Variants in ANKEF1 observed in about 807,000 individuals in gnomAD.
ANKEF1 encodes ankyrin repeat and EF-hand domain containing 1.
In ANKEF1, 43 loss-of-function variants were observed where a neutral mutation model predicts 65.1. The ratio of observed to expected loss-of-function variants is 0.66; its 90% CI spans 0.52 to 0.85. ANKEF1 has a LOEUF of 0.85. Among genes scored for constraint, ANKEF1 ranks in the 40% least tolerant of loss-of-function variants. The pLI is 0.00. For synonymous variants in ANKEF1, 316 were observed against 341.5 expected (o/e 0.93, Z 0.82); for missense variants, 934 against 952.9 (o/e 0.98, Z 0.26).
chr20:10,051,641 G>C (rs141444129), intron 7 of ANKEF1, 22 bp from the exon 8 acceptor site: 14 of 1,570,998 alleles, frequency 8.9e-6, no homozygotes, highest in African/African-American at 1.4e-5. Flanking sequence ...TTTTTAGTTT[G>C]TTCATCTATC....
chr20:10,055,783 T>C lies in ANKEF1; in HGVS notation c.*123T>C. ...CCAAGAACTTGTTACCAAGAATTTC[T>C]TTTTGCTTTAACAACTATAAATATT... On this transcript the variant is annotated 3_prime_UTR_variant, in exon 11 of 11. Coordinates refer to ENST00000378392, the MANE Select transcript of ANKEF1 (RefSeq NM_022096.6). 1.0e-6 allele frequency: 1 copy of C among 978,670 alleles called. No individual in the cohort carries two copies. Among genetic ancestry groups the C allele is most frequent in the Non-Finnish European group, 1.5e-6 (1 of 659,196 alleles). 60.6% of individuals were successfully genotyped at this position (978,670 alleles called of 1,614,324 possible). A position where few individuals can be genotyped will look rare whatever the true frequency, so the allele number is the denominator to read the frequency against.
At chr20:10,043,612 G>A (rs925173645) in intron 4 of ANKEF1, among the ~76,000 whole-genome samples, 1 of 145,212 alleles carries the variant, frequency 6.9e-6, no homozygotes, top group Non-Finnish European at 1.5e-5. Flanking sequence ...TTCTTAGAAA[G>A]AAAATATATA....
At chr20:10,039,732 T>C (rs763458979) in intron 3 of ANKEF1, among the ~76,000 whole-genome samples, 9 of 152,188 alleles carry the variant, frequency 5.9e-5, no homozygotes, top group Non-Finnish European at 1.0e-4. Flanking sequence ...TGAGAAGTAC[T>C]ACAGGCAAAA....
rs747097642 is a variant in ANKEF1, at chr20:10,053,232, C to T, written c.1991C>T (p.Pro664Leu). 3.7e-5 allele frequency: 60 copies of T among 1,611,576 alleles called. No homozygotes were observed. Among genetic ancestry groups the T allele is most frequent in the Non-Finnish European group, 4.4e-5 (52 of 1,179,302 alleles). ...AENQKLKGKT[P>L]PILKTEGPEI... ...AATCAAAAACTAAAAGGCAAGACAC[C>T]TCCTATACTGAAGACTGAAGGCCCT... The change falls in exon 9 of 11, where the codon CCT becomes CTT. Residue 664 changes from proline to leucine, a missense_variant. Pro to Leu is a moderately conservative substitution (Grantham distance 98). Coordinates refer to ENST00000378392, the MANE Select transcript of ANKEF1 (RefSeq NM_022096.6).
In ANKEF1 at chr20:10,055,704, G is replaced by T; in HGVS notation, c.*44G>T. ...TGGGGTAAATGCTTTGAGGCCCAGGGACCAATCTTTGGAGAAAGTAGATAT... is the reference window on the plus strand; with the variant it reads ...TGGGGTAAATGCTTTGAGGCCCAGGTACCAATCTTTGGAGAAAGTAGATAT... On this transcript the variant is annotated 3_prime_UTR_variant, in exon 11 of 11. Coordinates refer to ENST00000378392, the MANE Select transcript of ANKEF1 (RefSeq NM_022096.6). The T allele has an allele frequency of 6.2e-7, 1 of 1,603,040 alleles. No homozygotes were observed.
Position 10,049,882 on chromosome 20 carries a change from T to C in ANKEF1, c.1313T>C (p.Ile438Thr). 1.2e-6 allele frequency: 2 copies of C among 1,614,212 alleles called. No individual in the cohort carries two copies. Among genetic ancestry groups the C allele is most frequent in the Non-Finnish European group, 1.7e-6 (2 of 1,180,028 alleles). The change falls in exon 7 of 11, where the codon ATT becomes ACT. Residue 438 changes from isoleucine to threonine, a missense_variant. Physicochemically the swap from Ile to Thr is moderately conservative, Grantham distance 89. Coordinates refer to ENST00000378392, the MANE Select transcript of ANKEF1 (RefSeq NM_022096.6). The stretch of plus-strand genomic sequence containing the variant: ...GTCTTACCCCTTCCAATCTGTGTCA[T>C]TCCTGAGTACGCGTTTCCACGCCGG... ...KFVLPLPICV[I>T]PEYAFPRRQD...
chr20:10,055,316 C>T (rs944469947), intron 10 of ANKEF1, among the ~76,000 whole-genome samples, 186 bp from the exon 11 acceptor site: 5 of 152,082 alleles, frequency 3.3e-5, no homozygotes, highest in African/African-American at 1.2e-4. Context: ...CTCGTGCAAC[C>T]ACTAGTGTCA....
At chr20:10,052,095 A>G (rs1022379800) in intron 8 of ANKEF1, among the ~76,000 whole-genome samples, 12 of 152,172 alleles carry the variant, frequency 7.9e-5, no homozygotes, top group African/African-American at 2.9e-4. Flanking sequence ...CTTTATGTTT[A>G]TAATCTTTCA....
rs1369932227 is a variant in ANKEF1 at position 10,057,927 on chromosome 20, G to C, written c.*2267G>C. 6.6e-6 allele frequency: 1 copy of C among 151,970 alleles called. No individual in the cohort carries two copies. The highest frequency in any genetic ancestry group is 1.5e-5 in the Non-Finnish European group (1 of 67,992). The allele number at this position is 151,970 out of a possible 1,614,324, so 9.4% of individuals were successfully genotyped here. ...TTTGTTTGTTTATGACAGTATATAA[G>C]AAGAACACAAGCCACTTTTATCTTG... is the stretch of plus-strand genomic sequence containing the variant. On this transcript the variant is annotated 3_prime_UTR_variant, in exon 11 of 11. Coordinates refer to ENST00000378392, the MANE Select transcript of ANKEF1 (RefSeq NM_022096.6).
rs1001967102 is a variant in ANKEF1, at chr20:10,055,544, A to G, written c.2215A>G (p.Arg739Gly). 3.7e-6 allele frequency: 6 copies of G among 1,613,686 alleles called. No homozygotes were observed. In the Admixed American group the frequency reaches 8.3e-5, roughly 22 times the overall value. The change falls in exon 11 of 11, where the codon AGG (arginine) becomes GGG (glycine). Residue 739 changes from arginine (R) to glycine (G), a missense_variant. By Grantham distance (125) the Arg-to-Gly change is moderately radical. Transcript: ENST00000378392. ...CACAACAGCAGAGCTGATCAGGAAG[A>G]GGGAACTACGGCGAGAGAGGTTTAC... ...EATTAELIRK[R>G]ELRRERFTHE...
chr20:10,036,686 AC>A (rs1677330888), intron 2 of ANKEF1, among the ~76,000 whole-genome samples: 1 of 152,206 alleles, frequency 6.6e-6, no homozygotes, highest in Admixed American at 6.5e-5. Context: ...TACTAAAAAT[AC>A]AAAAATTAGC....
At chr20:10,042,075 A>T (rs1212212405) in intron 3 of ANKEF1, among the ~76,000 whole-genome samples, 1 of 152,116 alleles carries the variant, frequency 6.6e-6, no homozygotes, top group Non-Finnish European at 1.5e-5. Context: ...CTGGATTCTT[A>T]TGAGACACTT....
chr20:10,040,511 C>T (rs1420165343), intron 3 of ANKEF1: 1 of 152,164 alleles, frequency 6.6e-6, no homozygotes, highest in African/African-American at 2.4e-5. Context: ...TACATTCTTT[C>T]TTGTATGTTG....
At position 10,043,149 on chromosome 20, in the gene ANKEF1, C is replaced by G. The variant is rs752521390; in HGVS notation, c.374C>G (p.Thr125Ser). Reference sequence around the variant, plus strand: ...GTTTTGTTTTACTGCATTTTACCGACTAAGCGGCATTATCGCTGTGCTCTG... The same window carrying G: ...GTTTTGTTTTACTGCATTTTACCGAGTAAGCGGCATTATCGCTGTGCTCTG... ...KGVLFYCILPTKRHYRCALIA... is the reference protein window; with the variant it reads ...KGVLFYCILPSKRHYRCALIA... The change falls in exon 4 of 11, where the codon ACT (threonine) becomes AGT (serine). Residue 125 changes from threonine to serine, a missense_variant. Physicochemically the swap from Thr to Ser is moderately conservative, Grantham distance 58. Transcript: ENST00000378392. 1.3e-5 allele frequency: 21 copies of G among 1,614,032 alleles called. No individual in the cohort carries two copies. In the African/African-American group the frequency reaches 2.5e-4, roughly 19 times the overall value.
At chr20:10,051,395 C>T (rs1984848090) in intron 7 of ANKEF1, among the ~76,000 whole-genome samples, 1 of 152,142 alleles carries the variant, frequency 6.6e-6, no homozygotes, top group African/African-American at 2.4e-5. Context: ...CAGCTTTTAT[C>T]TTCATTGGAT....
rs546773785 is a variant in ANKEF1, at chr20:10,056,582, T to G, written c.*922T>G. ...GGTTTACATAATTTTGGGCCCCAGA[T>G]GGTTAAGTGCTAAATTTGTAGGGTA... On this transcript the variant is annotated 3_prime_UTR_variant, in exon 11 of 11. Coordinates refer to ENST00000378392, the MANE Select transcript of ANKEF1 (RefSeq NM_022096.6). 1 of 152,092 alleles carries G rather than the reference T, an allele frequency of 6.6e-6. No homozygotes were observed. The highest frequency in any genetic ancestry group is 1.5e-5 in the Non-Finnish European group (1 of 67,964). 9.4% of individuals were successfully genotyped at this position (152,092 alleles called of 1,614,324 possible). A position where few individuals can be genotyped will look rare whatever the true frequency, so the allele number is the denominator to read the frequency against.
In ANKEF1 at chr20:10,043,275, G is replaced by T; in HGVS notation, c.500G>T (p.Cys167Phe). The stretch of plus-strand genomic sequence containing the variant: ...GATGCACATGATGTTAAAGATGTGT[G>T]CCTGACATTTTTGGAAAAAGGAGCC... Reference protein sequence around the residue: ...CEDAHDVKDVCLTFLEKGANP... With the variant: ...CEDAHDVKDVFLTFLEKGANP... Residue 167 changes from cysteine to phenylalanine, a missense_variant, in exon 4 of 11, where the codon TGC (cysteine) becomes TTC (phenylalanine). Coordinates refer to ENST00000378392, the MANE Select transcript of ANKEF1 (RefSeq NM_022096.6). The T allele has an allele frequency of 6.2e-7, 1 of 1,614,106 alleles. No individual in the cohort carries two copies. Among genetic ancestry groups the T allele is most frequent in the East Asian group, 2.2e-5 (1 of 44,876 alleles).
intron 6 of ANKEF1, among the ~76,000 whole-genome samples, chr20:10,048,851 A>G (rs1984666753): frequency 6.6e-6 from 1 of 152,212 alleles, no homozygotes; most frequent in Admixed American, 6.5e-5. Flanking sequence ...GGTTGTTCAT[A>G]TGGCCATACC....
At chr20:10,043,681 C>G (rs1246282190) in intron 4 of ANKEF1, among the ~76,000 whole-genome samples, 23 of 103,382 alleles carry the variant, frequency 2.2e-4, no homozygotes, top group Non-Finnish European at 7.1e-5. Context: ...TTTTTGGAGA[C>G]AGCGTCTCAC....
Sources: gnomAD v4.1 joint callset for allele counts (sites outside exome capture counted in the v4.1 genomes callset) on GRCh38, gnomAD v4.1.1 for gene constraint, MANE v1.5 for transcripts, NCBI Gene and HGNC (gene_info 2026-07-23, HGNC 2026-07-21) for gene names.